GBE1: variants seen among roughly 807,000 people sequenced by gnomAD.
GBE1 encodes 1,4-alpha-glucan-branching enzyme.
GBE1 carries 70 observed loss-of-function variants against 88.8 expected under a neutral mutation model. The observed-to-expected ratio is 0.79, with a 90% CI of 0.65 to 0.96. The LOEUF (loss-of-function observed/expected upper bound fraction) is 0.96, where lower values mean the gene tolerates loss of function less well. GBE1 is among the 40% of genes least tolerant of loss of function. GBE1 has a pLI of 0.00. For missense variants in GBE1, 872 were observed against 871.0 expected (o/e 1.00, Z -0.01); for synonymous variants, 284 against 300.1 (o/e 0.95, Z 0.56).
At chr3:81,626,852 T>C (rs541410693) in intron 7 of GBE1, among the ~76,000 whole-genome samples, 3 of 152,314 alleles carry the variant, frequency 2.0e-5, no homozygotes, top group South Asian at 4.1e-4. Context: ...AAATGTATAT[T>C]AGCTAATTAG....
intron 3 of GBE1, among the ~76,000 whole-genome samples, chr3:81,669,990 A>G (rs752273568): frequency 2.0e-5 from 3 of 152,184 alleles, no homozygotes; most frequent in Non-Finnish European, 4.4e-5. Flanking sequence ...AACAAATACC[A>G]ATAAAAACAA....
chr3:81,575,264 G>C (rs1703631999), intron 12 of GBE1, among the ~76,000 whole-genome samples: 1 of 151,308 alleles, frequency 6.6e-6, no homozygotes, highest in African/African-American at 2.4e-5. Context: ...TTTCATATAT[G>C]ATAGAATAAA....
chr3:81,667,200 T>C (rs1401614239), intron 3 of GBE1, among the ~76,000 whole-genome samples: 2 of 152,196 alleles, frequency 1.3e-5, no homozygotes, highest in Non-Finnish European at 2.9e-5. Flanking sequence ...TTATTCTCTT[T>C]GTAGCAATTG....
chr3:81,568,290 G>T (rs1232647216), intron 12 of GBE1, among the ~76,000 whole-genome samples: 2 of 152,050 alleles, frequency 1.3e-5, no homozygotes, highest in Non-Finnish European at 2.9e-5. Flanking sequence ...TGAGACTACA[G>T]GTGCGTGCCA....
intron 1 of GBE1, among the ~76,000 whole-genome samples, chr3:81,761,156 T>C (rs1706676780): frequency 6.6e-6 from 1 of 152,128 alleles, no homozygotes; most frequent in Admixed American, 6.5e-5. Context: ...AGGAAAGAAG[T>C]TTCTTCAGCG....
intron 14 of GBE1, among the ~76,000 whole-genome samples, chr3:81,521,523 G>C (rs1702874197): frequency 6.6e-6 from 1 of 151,338 alleles, no homozygotes; most frequent in African/African-American, 2.4e-5. Flanking sequence ...CTACACTGTA[G>C]GTTAAAAGTA....
At chr3:81,603,237 C>T (rs563514635) in intron 7 of GBE1, among the ~76,000 whole-genome samples, 11 of 152,020 alleles carry the variant, frequency 7.2e-5, no homozygotes, top group South Asian at 4.2e-4. Flanking sequence ...TATTTATATA[C>T]GATTTTGCAA....
At chr3:81,612,241 A>AAAAC (rs1704192080) in intron 7 of GBE1, 1 of 524,598 alleles carries the variant, frequency 1.9e-6, no homozygotes. Flanking sequence ...AAAAAAAAAA[A>AAAAC]AACTTAAAGA....
chr3:81,535,986 A>G lies in GBE1; in HGVS notation c.1804-661T>C, dbSNP rs554740216. On this transcript the variant is annotated intron_variant, in intron 13 of 15. Transcript: ENST00000429644. ...ACCCTCACTCAGCCCCAGCTTTGAG[A>G]GGACTTATTGCCATGCATACCCGCA... Among the ~76,000 whole-genome samples the G allele has an allele frequency of 2.8e-4, 42 of 152,100 alleles. No individual in the cohort carries two copies. In the East Asian group the frequency reaches 7.6e-3, roughly 27 times the overall value.
At chr3:81,724,839 A>C (rs1379185714) in intron 1 of GBE1, among the ~76,000 whole-genome samples, 2 of 152,226 alleles carry the variant, frequency 1.3e-5, no homozygotes, top group Non-Finnish European at 2.9e-5. Context: ...CTAATCACAT[A>C]AAGTCTATAA....
At chr3:81,633,090 A>G (rs2107039235) in intron 7 of GBE1, among the ~76,000 whole-genome samples, 1 of 152,310 alleles carries the variant, frequency 6.6e-6, no homozygotes, top group Non-Finnish European at 1.5e-5. Flanking sequence ...ACAACGAACA[A>G]ATATCCATAA....
chr3:81,761,544 G>A lies in GBE1; in HGVS notation c.-27C>T, dbSNP rs1470679410. 1 of 1,445,506 alleles carries A rather than the reference G, an allele frequency of 6.9e-7. No homozygotes were observed. The highest frequency in any genetic ancestry group is 9.0e-7 in the Non-Finnish European group (1 of 1,105,134). The allele number at this position is 1,445,506 out of a possible 1,614,324, so 89.5% of individuals were successfully genotyped here. On this transcript the variant is annotated 5_prime_UTR_variant, in exon 1 of 16. Transcript: ENST00000429644. The stretch of plus-strand genomic sequence containing the variant: ...TTCCGCCGCAGTCCAAGTAGCCGAG[G>A]CCCGAGAGGTCGAGTGGGGCCTGAG...
rs1559708925 is a variant in GBE1 at position 81,750,660 on chromosome 3, TATATATATATATAC to T, written c.143+10701_143+10714del. On this transcript the variant is annotated intron_variant, in intron 1 of 15. Coordinates refer to ENST00000429644, the MANE Select transcript of GBE1 (RefSeq NM_000158.4). ...ATATATATATGTATATATATATATG[TATATATATATATAC>T]GTATATATATATATATATATGTATT... is the stretch of plus-strand genomic sequence containing the variant. 1.5e-3 allele frequency among the ~76,000 whole-genome samples: 59 copies of T among 40,466 alleles called. 4 individuals carry two copies. The highest frequency in any genetic ancestry group is 0.01 in the African/African-American group (53 of 5,144). The allele number at this position is 40,466 out of a possible 152,430, so 26.5% of individuals were successfully genotyped here. A position where few individuals can be genotyped will look rare whatever the true frequency, so the allele number is the denominator to read the frequency against.
intron 1 of GBE1, among the ~76,000 whole-genome samples, chr3:81,716,010 ACAAG>A (rs1431643722): frequency 6.6e-6 from 1 of 152,210 alleles, no homozygotes; most frequent in Non-Finnish European, 1.5e-5. Flanking sequence ...TAATCCCATT[ACAAG>A]CACACATTGT....
intron 2 of GBE1, among the ~76,000 whole-genome samples, chr3:81,679,494 C>G (rs1324629147): frequency 6.6e-6 from 1 of 152,192 alleles, no homozygotes; most frequent in African/African-American, 2.4e-5. Flanking sequence ...AATAAATTAA[C>G]TTCCCTTCAG....
rs564039983 is a variant in GBE1, at chr3:81,761,378, C to T, written c.140G>A (p.Arg47His). Residue 47 changes from arginine to histidine, a missense_variant, in exon 1 of 16, where the codon CGC becomes CAC. Arg to His is a conservative substitution (Grantham distance 29). Transcript: ENST00000429644. ...GGTGGTGGGATTCCGGCGGTACCTG[C>T]GCTGGAAGTCCACGGCGTAGGGCTT... Reference protein sequence around the residue: ...YLKPYAVDFQRRYKQFSQILK... With the variant: ...YLKPYAVDFQHRYKQFSQILK... 8.7e-6 allele frequency: 14 copies of T among 1,607,120 alleles called. No individual in the cohort carries two copies. The South Asian group carries it at 1.1e-4, about 13-fold the overall frequency.
intron 2 of GBE1, among the ~76,000 whole-genome samples, chr3:81,686,510 A>T (rs1425509097): frequency 6.6e-6 from 1 of 152,202 alleles, no homozygotes; most frequent in East Asian, 1.9e-4. Flanking sequence ...TAATCCCAGC[A>T]CTTCAGGAGG....
intron 14 of GBE1, among the ~76,000 whole-genome samples, chr3:81,500,203 A>C (rs1430778611): frequency 6.6e-6 from 1 of 152,178 alleles, no homozygotes; most frequent in Non-Finnish European, 1.5e-5. Flanking sequence ...AATCCAGGTC[A>C]GCCTTCTCTA....
intron 2 of GBE1, among the ~76,000 whole-genome samples, chr3:81,681,538 C>T (rs1170903000): frequency 6.6e-6 from 1 of 152,184 alleles, no homozygotes; most frequent in Non-Finnish European, 1.5e-5. Context: ...AGGTCTCCCT[C>T]CTAACCCTAT....
Sources: gnomAD v4.1 joint callset for allele counts (sites outside exome capture counted in the v4.1 genomes callset) on GRCh38, gnomAD v4.1.1 for gene constraint, MANE v1.5 for transcripts, NCBI Gene and HGNC (gene_info 2026-07-23, HGNC 2026-07-21) for gene names.